PCDH9: variants seen among roughly 807,000 people sequenced by gnomAD.
PCDH9 encodes the protein protocadherin 9, also known as protocadherin-9.
Under a neutral mutation model 70.6 loss-of-function variants are expected in PCDH9, and 24 were observed. That is an observed-to-expected ratio of 0.34 (90% CI 0.25 to 0.48). The LOEUF is 0.48. Among genes scored for constraint, PCDH9 ranks in the 20% least tolerant of loss-of-function variants. The pLI is 0.99. For synonymous variants in PCDH9, 562 were observed against 558.5 expected, an observed-to-expected ratio of 1.01 and a Z score of -0.09; for missense variants, 1,281 against 1,503.6, an observed-to-expected ratio of 0.85 and a Z score of 2.45.
At chr13:66,678,871 A>G (rs2078279333) in intron 3 of PCDH9, among the ~76,000 whole-genome samples, 1 of 151,862 alleles carries the variant, frequency 6.6e-6, no homozygotes, top group South Asian at 2.1e-4. Flanking sequence ...GTTCTTTTGC[A>G]AGAAAGAAGG....
chr13:66,373,833 T>G (rs1956702800), intron 4 of PCDH9, among the ~76,000 whole-genome samples: 1 of 152,168 alleles, frequency 6.6e-6, no homozygotes, highest in South Asian at 2.1e-4. Context: ...AGGCCAGACT[T>G]CCAGTCTTGG....
At chr13:66,711,398 A>T (rs1459912068) in intron 3 of PCDH9, among the ~76,000 whole-genome samples, 3 of 152,158 alleles carry the variant, frequency 2.0e-5, no homozygotes, top group Non-Finnish European at 2.9e-5. Flanking sequence ...ATTGCAAAAA[A>T]AAAAAAAAAA....
intron 4 of PCDH9, among the ~76,000 whole-genome samples, chr13:66,333,697 G>A (rs890248052): frequency 6.6e-6 from 1 of 152,102 alleles, no homozygotes. Context: ...ATTAGAATAA[G>A]CATGAAGAAA....
At chr13:66,381,566 C>A (rs1216971434) in intron 4 of PCDH9, among the ~76,000 whole-genome samples, 1 of 152,084 alleles carries the variant, frequency 6.6e-6, no homozygotes, top group Non-Finnish European at 1.5e-5. Flanking sequence ...AATACAACAA[C>A]AACAACAAAT....
chr13:67,132,579 C>T (rs1480883929), intron 2 of PCDH9, among the ~76,000 whole-genome samples: 1 of 151,890 alleles, frequency 6.6e-6, no homozygotes, highest in East Asian at 1.9e-4. Flanking sequence ...ACATATAGTT[C>T]ATAGCAACAA....
At chr13:66,948,746 T>A (rs1351918087) in intron 2 of PCDH9, among the ~76,000 whole-genome samples, 1 of 152,136 alleles carries the variant, frequency 6.6e-6, no homozygotes, top group Non-Finnish European at 1.5e-5. Context: ...TACTAGGATA[T>A]TAATTGACTG....
intron 3 of PCDH9, among the ~76,000 whole-genome samples, chr13:66,871,427 A>T (rs2081683078): frequency 8.5e-6 from 1 of 117,334 alleles, no homozygotes; most frequent in Non-Finnish European, 1.8e-5. Context: ...AAATAAATAA[A>T]ATTAAAAAAA....
chr13:66,622,288 C>G (rs1272703481), intron 4 of PCDH9, among the ~76,000 whole-genome samples: 1 of 152,194 alleles, frequency 6.6e-6, no homozygotes, highest in South Asian at 2.1e-4. Flanking sequence ...GCCCCCTGCT[C>G]CACGGCGCCC....
At chr13:66,348,165 GT>G (rs1346297561) in intron 4 of PCDH9, among the ~76,000 whole-genome samples, 1 of 151,512 alleles carries the variant, frequency 6.6e-6, no homozygotes, top group Non-Finnish European at 1.5e-5. Flanking sequence ...TCTTTTCCCT[GT>G]TTTGTTTTAC....
chr13:66,323,502 T>C (rs1439682872), intron 4 of PCDH9: 1 of 152,054 alleles, frequency 6.6e-6, no homozygotes, highest in Non-Finnish European at 1.5e-5. Context: ...AATCATTGTG[T>C]TCCTGAAGAA....
intron 4 of PCDH9, among the ~76,000 whole-genome samples, chr13:66,420,072 C>T (rs1408383743): frequency 6.6e-6 from 1 of 152,140 alleles, no homozygotes; most frequent in Non-Finnish European, 1.5e-5. Context: ...TTGGACTGTG[C>T]AGAGCCCACC....
intron 4 of PCDH9, among the ~76,000 whole-genome samples, chr13:66,569,830 T>C (rs7319523): frequency 0.34 from 51,898 of 151,998 alleles, 9,367 homozygotes; most frequent in African/African-American, 0.46. Flanking sequence ...ATAAAAATGG[T>C]GCTGCCTCTG....
At chr13:66,454,152 T>C (rs1958270286) in intron 4 of PCDH9, among the ~76,000 whole-genome samples, 1 of 152,002 alleles carries the variant, frequency 6.6e-6, no homozygotes. Context: ...CTTGTTTTTT[T>C]CTTTTTTTTT....
At chr13:66,383,305 T>A (rs1023035606) in intron 4 of PCDH9, among the ~76,000 whole-genome samples, 1 of 152,210 alleles carries the variant, frequency 6.6e-6, no homozygotes, top group East Asian at 1.9e-4. Flanking sequence ...TATTTTACTC[T>A]CATAACATTG....
chr13:66,465,005 A>C (rs951971335), intron 4 of PCDH9, among the ~76,000 whole-genome samples: 3 of 151,950 alleles, frequency 2.0e-5, no homozygotes, highest in Non-Finnish European at 4.4e-5. Context: ...ATAGAAAGGG[A>C]ACAACCAAGC....
intron 2 of PCDH9, among the ~76,000 whole-genome samples, chr13:67,082,644 C>A (rs910347336): frequency 6.6e-6 from 1 of 152,116 alleles, no homozygotes; most frequent in South Asian, 2.1e-4. Context: ...ATTTTTAAAT[C>A]AAAATTGCAC....
intron 3 of PCDH9, among the ~76,000 whole-genome samples, chr13:66,747,373 AACAAAACAAAACAAAACAAAAC>A (rs201585261): frequency 0.5 from 74,071 of 148,824 alleles, 20,257 homozygotes; most frequent in Non-Finnish European, 0.63. Context: ...AACAAAACAA[AACAAAACAAAACAAAACAAAAC>A]ACAAAAAGCA....
intron 2 of PCDH9, among the ~76,000 whole-genome samples, chr13:67,194,821 A>C (rs1027189259): frequency 2.0e-5 from 3 of 152,224 alleles, no homozygotes; most frequent in Non-Finnish European, 4.4e-5. Context: ...GGAACTACTC[A>C]GCAGTTAGAG....
At chr13:66,857,026 C>A (rs1419559474) in intron 3 of PCDH9, among the ~76,000 whole-genome samples, 2 of 152,064 alleles carry the variant, frequency 1.3e-5, no homozygotes, top group Non-Finnish European at 2.9e-5. Flanking sequence ...TATTCAACAT[C>A]TTAACCCATC....
Sources: gnomAD v4.1 joint callset for allele counts (sites outside exome capture counted in the v4.1 genomes callset) on GRCh38, gnomAD v4.1.1 for gene constraint, MANE v1.5 for transcripts, NCBI Gene and HGNC (gene_info 2026-07-23, HGNC 2026-07-21) for gene names.